The following DYNC1I1 variants were observed in gnomAD, a reference collection of about 807,000 sequenced individuals.
DYNC1I1 encodes dynein cytoplasmic 1 intermediate chain 1.
A neutral mutation model predicts 86.6 loss-of-function variants in DYNC1I1; 43 were observed. The ratio of observed to expected loss-of-function variants is 0.50; its 90% CI spans 0.39 to 0.64. DYNC1I1 has a LOEUF of 0.64. Among genes scored for constraint, DYNC1I1 ranks in the 30% least tolerant of loss-of-function variants. DYNC1I1 has a pLI of 0.00. For missense variants in DYNC1I1, 604 were observed against 788.8 expected (o/e 0.77, Z 2.81); for synonymous variants, 262 against 283.7 (o/e 0.92, Z 0.77).
chr7:95,861,354 A>G (rs558436933), intron 5 of DYNC1I1, among the ~76,000 whole-genome samples: 1 of 152,320 alleles, frequency 6.6e-6, no homozygotes, highest in East Asian at 1.9e-4. Context: ...CTCTTGGTAC[A>G]CGTTCTTGCA....
chr7:96,089,403 G>C (rs537838923), intron 16 of DYNC1I1, among the ~76,000 whole-genome samples: 1 of 152,142 alleles, frequency 6.6e-6, no homozygotes, highest in Non-Finnish European at 1.5e-5. Flanking sequence ...GTGAAAATTT[G>C]AGGAAAAATT....
chr7:96,054,244 T>C (rs1333007507), intron 14 of DYNC1I1, among the ~76,000 whole-genome samples: 1 of 152,236 alleles, frequency 6.6e-6, no homozygotes. Flanking sequence ...GTGTTCGGTT[T>C]TCTGTTCCTA....
At chr7:95,786,147 G>C (rs900013193) in intron 1 of DYNC1I1, among the ~76,000 whole-genome samples, 1 of 151,956 alleles carries the variant, frequency 6.6e-6, no homozygotes, top group African/African-American at 2.4e-5. Flanking sequence ...GAAAAAAATA[G>C]CCCTGGGTCA....
chr7:95,777,795 A>AC (rs1793883407), intron 1 of DYNC1I1, among the ~76,000 whole-genome samples: 1 of 152,162 alleles, frequency 6.6e-6, no homozygotes, highest in African/African-American at 2.4e-5. Flanking sequence ...CTGCCTGGTA[A>AC]CCGTTCCAGT....
intron 6 of DYNC1I1, among the ~76,000 whole-genome samples, chr7:95,929,358 T>C (rs529657003): frequency 2.6e-5 from 4 of 152,178 alleles, no homozygotes; most frequent in Non-Finnish European, 5.9e-5. Context: ...TAATACTTTT[T>C]ATGTTTTATG....
chr7:95,915,472 A>G (rs1791445326), intron 6 of DYNC1I1, among the ~76,000 whole-genome samples: 1 of 152,236 alleles, frequency 6.6e-6, no homozygotes, highest in African/African-American at 2.4e-5. Context: ...TATACACTTC[A>G]GGTAAAGCTA....
At chr7:95,825,780 T>C (rs551709203) in intron 4 of DYNC1I1, among the ~76,000 whole-genome samples, 1 of 152,336 alleles carries the variant, frequency 6.6e-6, no homozygotes, top group Admixed American at 6.5e-5. Context: ...GTATTTGAGC[T>C]TCAGTGATGC....
chr7:95,974,167 A>G (rs1034955420), intron 6 of DYNC1I1, among the ~76,000 whole-genome samples: 3 of 151,892 alleles, frequency 2.0e-5, no homozygotes, highest in African/African-American at 7.3e-5. Flanking sequence ...TCTCTTTCCT[A>G]TTTTGTATTT....
chr7:95,808,892 C>T (rs778143512), intron 2 of DYNC1I1, among the ~76,000 whole-genome samples: 6 of 152,164 alleles, frequency 3.9e-5, no homozygotes, highest in Non-Finnish European at 8.8e-5. Context: ...TACAGATCCT[C>T]ACTCTGCAAC....
At chr7:95,812,734 C>T (rs1409500844) in intron 3 of DYNC1I1, among the ~76,000 whole-genome samples, 1 of 152,170 alleles carries the variant, frequency 6.6e-6, no homozygotes, top group African/African-American at 2.4e-5. Flanking sequence ...GCTTATATTC[C>T]ACAGAGTACA....
Position 96,097,833 on chromosome 7 carries a change from G to A in DYNC1I1, c.*240G>A. 2 of 1,234,422 alleles carry A rather than the reference G, an allele frequency of 1.6e-6. No homozygotes were observed. The highest frequency in any genetic ancestry group is 1.0e-6 in the Non-Finnish European group (1 of 981,932). 76.5% of individuals were successfully genotyped at this position (1,234,422 alleles called of 1,614,324 possible). Reference sequence around the variant, plus strand: ...TCTGTCTCAAAAATGAAGAGAAGGGGGTTATGGGTTAAGTTGCTGCCTTTT... The same window carrying A: ...TCTGTCTCAAAAATGAAGAGAAGGGAGTTATGGGTTAAGTTGCTGCCTTTT... On this transcript the variant is annotated 3_prime_UTR_variant, in exon 17 of 17. Transcript: ENST00000447467.
intron 13 of DYNC1I1, among the ~76,000 whole-genome samples, chr7:96,037,729 G>A (rs1239621340): frequency 6.6e-6 from 1 of 152,060 alleles, no homozygotes; most frequent in African/African-American, 2.4e-5. Context: ...ATCAGAATAT[G>A]CACTTTGGTT....
At chr7:95,824,536 C>T (rs1024817221) in intron 4 of DYNC1I1, among the ~76,000 whole-genome samples, 1 of 152,092 alleles carries the variant, frequency 6.6e-6, no homozygotes, top group Non-Finnish European at 1.5e-5. Flanking sequence ...ATTTTATTTT[C>T]AGAGATACAA....
chr7:96,044,733 T>C (rs1478143757), intron 14 of DYNC1I1, among the ~76,000 whole-genome samples: 2 of 152,166 alleles, frequency 1.3e-5, no homozygotes, highest in East Asian at 3.8e-4. Flanking sequence ...CTGTGATGGC[T>C]ATTTTCTTAA....
chr7:95,959,084 C>T (rs1260798822), intron 6 of DYNC1I1, among the ~76,000 whole-genome samples: 1 of 152,088 alleles, frequency 6.6e-6, no homozygotes, highest in African/African-American at 2.4e-5. Flanking sequence ...GAAGCAAAAT[C>T]AAGGGCACTG....
At chr7:95,953,146 C>T (rs190136100) in intron 6 of DYNC1I1, among the ~76,000 whole-genome samples, 5 of 149,952 alleles carry the variant, frequency 3.3e-5, no homozygotes, top group African/African-American at 1.2e-4. Context: ...GAGAATAAAA[C>T]AGACAAGTGT....
At chr7:95,965,022 G>A (rs1029900560) in intron 6 of DYNC1I1, among the ~76,000 whole-genome samples, 3 of 152,160 alleles carry the variant, frequency 2.0e-5, no homozygotes, top group African/African-American at 7.2e-5. Flanking sequence ...TGGACACATG[G>A]CGTGGTCTTG....
intron 12 of DYNC1I1, among the ~76,000 whole-genome samples, chr7:96,035,139 C>T (rs898965391): frequency 8.5e-5 from 13 of 152,178 alleles, no homozygotes; most frequent in Non-Finnish European, 1.9e-4. Context: ...CTGTTGAAAT[C>T]TGGTTTTTAT....
At chr7:95,844,745 A>G (rs995709138) in intron 5 of DYNC1I1, among the ~76,000 whole-genome samples, 2 of 152,102 alleles carry the variant, frequency 1.3e-5, no homozygotes, top group Non-Finnish European at 2.9e-5. Flanking sequence ...GGGTGGTGCC[A>G]TCAGATTGTC....
Sources: gnomAD v4.1 joint callset for allele counts (sites outside exome capture counted in the v4.1 genomes callset) on GRCh38, gnomAD v4.1.1 for gene constraint, MANE v1.5 for transcripts, NCBI Gene and HGNC (gene_info 2026-07-23, HGNC 2026-07-21) for gene names.